PSMG2: variants seen among roughly 807,000 people sequenced by gnomAD.
PSMG2 encodes CD40 ligand-activated specific transcript 3.
Under a neutral mutation model 31.5 loss-of-function variants are expected in PSMG2, and 21 were observed. The observed-to-expected ratio is 0.67, with a 90% CI of 0.47 to 0.96. PSMG2 has a LOEUF of 0.96. Among genes scored for constraint, PSMG2 ranks in the 40% least tolerant of loss-of-function variants. PSMG2 has a pLI of 0.00. For synonymous variants in PSMG2, 120 were observed against 110.4 expected (o/e 1.09, Z -0.54); for missense variants, 318 against 321.2 (o/e 0.99, Z 0.08).
intron 1 of PSMG2, among the ~76,000 whole-genome samples, chr18:12,669,937 C>CGGTGAGCCGAGATTGT (rs1439090840): frequency 4.0e-5 from 6 of 151,168 alleles, no homozygotes; most frequent in Non-Finnish European, 7.4e-5. Context: ...GCGGAGGTTG[C>CGGTGAGCCGAGATTGT]GGTGAGCCGA....
intron 1 of PSMG2, among the ~76,000 whole-genome samples, chr18:12,694,700 C>T (rs1410057297): frequency 1.3e-5 from 2 of 151,674 alleles, no homozygotes; most frequent in Non-Finnish European, 2.9e-5. Flanking sequence ...CAGCTTTATC[C>T]TGTAATTCTT....
Position 12,725,351 on chromosome 18 carries a change from A to C in PSMG2, c.703-88A>C, listed in dbSNP as rs2040466288. The C allele has an allele frequency of 5.7e-6, 6 of 1,057,220 alleles. No homozygotes were observed. In the East Asian group the frequency reaches 1.4e-4, roughly 24 times the overall value. 65.5% of individuals were successfully genotyped at this position (1,057,220 alleles called of 1,614,324 possible). A position where few individuals can be genotyped will look rare whatever the true frequency, so the allele number is the denominator to read the frequency against. On this transcript the variant is annotated intron_variant, in intron 6 of 6. Coordinates refer to ENST00000317615, the MANE Select transcript of PSMG2 (RefSeq NM_020232.5). Reference sequence around the variant, plus strand: ...GGCTATAAAAGTGCCAACCAAAAGGAACACAAAAGGAGAGTTTTATAATTC... The same window carrying C: ...GGCTATAAAAGTGCCAACCAAAAGGCACACAAAAGGAGAGTTTTATAATTC...
chr18:12,683,931 G>A (rs1489882452), intron 1 of PSMG2, among the ~76,000 whole-genome samples: 1 of 151,138 alleles, frequency 6.6e-6, no homozygotes, highest in Non-Finnish European at 1.5e-5. Context: ...TAGAATTATA[G>A]GTAAAGTTTC....
intron 4 of PSMG2, among the ~76,000 whole-genome samples, chr18:12,719,838 C>T (rs1382730747): frequency 1.8e-4 from 27 of 149,482 alleles, no homozygotes; most frequent in Non-Finnish European, 7.4e-5. Context: ...GTTCTCCTGC[C>T]TCAGCCTCCC....
upstream of PSMG2, chr18:12,702,755 TCAAA>T (rs552457304): frequency 1.1e-3 from 681 of 596,796 alleles, no homozygotes; most frequent in Non-Finnish European, 1.7e-3. Context: ...CCAACTGTTT[TCAAA>T]CAGTGGCGGA....
intron 1 of PSMG2, chr18:12,673,136 A>G (rs2038989656): frequency 2.7e-6 from 3 of 1,131,430 alleles, no homozygotes; most frequent in Non-Finnish European, 3.3e-6. Flanking sequence ...TAGAATATAC[A>G]CTTAATTTAT....
intron 2 of PSMG2, among the ~76,000 whole-genome samples, chr18:12,711,750 C>CTTTTTTTTT (rs34631690): frequency 5.1e-5 from 5 of 97,582 alleles, no homozygotes; most frequent in Non-Finnish European, 7.7e-5. Flanking sequence ...GCTTCTCATT[C>CTTTTTTTTT]TTTTTTTTTT....
chr18:12,706,685 GA>G lies in PSMG2; in HGVS notation c.195del (p.Gly66GlufsTer8). The G allele has an allele frequency of 6.2e-7, 1 of 1,610,736 alleles. No homozygotes were observed. Among genetic ancestry groups the G allele is most frequent in the Non-Finnish European group, 8.5e-7 (1 of 1,177,562 alleles). ...TGGAAACAATCCATATGCGACCACAGAAGGAAATTCAACAGAACTTAGCATA... is the reference window on the plus strand; with the variant it reads ...TGGAAACAATCCATATGCGACCACAGAGGAAATTCAACAGAACTTAGCATA... ...MVGNNPYATT[E>X]GNSTELSINA... On this transcript the variant is annotated frameshift_variant, in exon 2 of 7. Coordinates refer to ENST00000317615, the MANE Select transcript of PSMG2 (RefSeq NM_020232.5). LOFTEE classifies it high-confidence loss of function.
At chr18:12,705,799 C>G (rs1265221742) in intron 1 of PSMG2, among the ~76,000 whole-genome samples, 2 of 152,136 alleles carry the variant, frequency 1.3e-5, no homozygotes, top group Non-Finnish European at 2.9e-5. Flanking sequence ...AGTCATTTGT[C>G]ACCTAGGGTG....
upstream of PSMG2, among the ~76,000 whole-genome samples, chr18:12,702,062 G>A (rs767127895): frequency 7.2e-5 from 11 of 152,134 alleles, no homozygotes; most frequent in Non-Finnish European, 1.5e-4. Flanking sequence ...GGAGGCGGAG[G>A]TTGCAGTGAG....
At chr18:12,712,918 A>G (rs2040345142) in intron 3 of PSMG2, among the ~76,000 whole-genome samples, 158 bp downstream of exon 3, 1 of 152,192 alleles carries the variant, frequency 6.6e-6, no homozygotes, top group Admixed American at 6.5e-5. Flanking sequence ...CAGATGTGTT[A>G]CTGTCTTTTC....
chr18:12,660,011 AAGGTCTACTTTT>A lies in PSMG2; in HGVS notation c.-37+1240_-37+1251del, dbSNP rs1388351649. ...TTTGAACAATCCAGGAAAAAAAATG[AAGGTCTACTTTT>A]ATGGACAACACTACCACCTCCTGGC... is the stretch of plus-strand genomic sequence containing the variant. On this transcript the variant is annotated intron_variant, in intron 1 of 6. Transcript: ENST00000585331. Among the ~76,000 whole-genome samples, 3 of 152,334 alleles carry A rather than the reference AAGGTCTACTTTT, an allele frequency of 2.0e-5. No individual in the cohort carries two copies. In the East Asian group the frequency reaches 5.8e-4, roughly 29 times the overall value.
At chr18:12,662,102 A>G (rs1423266855) in intron 1 of PSMG2, 1 of 434,502 alleles carries the variant, frequency 2.3e-6, no homozygotes, top group Non-Finnish European at 4.6e-6. Flanking sequence ...TTCAGGGAGC[A>G]CCATCACTGT....
chr18:12,720,383 T>C, intron 4 of PSMG2, 127 bp from the exon 5 acceptor site: 1 of 710,584 alleles, frequency 1.4e-6, no homozygotes, highest in East Asian at 2.9e-5. Flanking sequence ...CAATATTTTT[T>C]ACTTAAGTCT....
chr18:12,660,442 C>T (rs1207385260), intron 1 of PSMG2, among the ~76,000 whole-genome samples: 3 of 152,088 alleles, frequency 2.0e-5, no homozygotes, highest in Non-Finnish European at 2.9e-5. Context: ...GTGCCTCGGC[C>T]TCCCGAGTAG....
upstream of PSMG2, chr18:12,702,942 C>A (rs2040208072): frequency 7.9e-6 from 6 of 755,652 alleles, no homozygotes; most frequent in South Asian, 8.3e-5. Flanking sequence ...TCTTTCCGCC[C>A]TCTGAACCGG....
chr18:12,722,132 C>A (rs1312370845), intron 5 of PSMG2, among the ~76,000 whole-genome samples: 1 of 152,166 alleles, frequency 6.6e-6, no homozygotes, highest in Non-Finnish European at 1.5e-5. Context: ...TACTTTGTTG[C>A]ACTTACTTTA....
chr18:12,673,512 GAAAA>G, intron 1 of PSMG2: 1 of 1,502,972 alleles, frequency 6.7e-7, no homozygotes, highest in East Asian at 2.5e-5. Context: ...ATCTATTTAA[GAAAA>G]AAAAAATTAT....
chr18:12,715,224 G>C (rs1391761430), intron 3 of PSMG2, among the ~76,000 whole-genome samples: 1 of 151,990 alleles, frequency 6.6e-6, no homozygotes, highest in Non-Finnish European at 1.5e-5. Flanking sequence ...GGCCAGGCTG[G>C]TCTCAAACTC....
Sources: allele counts gnomAD v4.1 joint callset (sites outside exome capture counted in the v4.1 genomes callset), GRCh38; gene constraint gnomAD v4.1.1; transcripts MANE v1.5; gene names NCBI Gene and HGNC (gene_info 2026-07-23, HGNC 2026-07-21).